Variants in FAM170A observed in about 807,000 individuals in gnomAD.
FAM170A encodes family with sequence similarity 170 member A.
In FAM170A, 28 loss-of-function variants were observed where a neutral mutation model predicts 36.6. The observed-to-expected ratio is 0.76, with a 90% CI of 0.57 to 1.05. The LOEUF is 1.05. FAM170A is among the 50% of genes least tolerant of loss of function. FAM170A has a pLI of 0.00. For synonymous variants in FAM170A, 156 were observed against 143.9 expected (o/e 1.08, Z -0.60); for missense variants, 434 against 396.5 (o/e 1.09, Z -0.80).
chr5:119,631,940 C>T (rs530931972), intron 1 of FAM170A, among the ~76,000 whole-genome samples: 2 of 152,278 alleles, frequency 1.3e-5, no homozygotes, highest in Non-Finnish European at 1.5e-5. Flanking sequence ...ACAGGATGTT[C>T]AGTTAAACTT....
chr5:119,631,842 T>G (rs1362713653), intron 1 of FAM170A, among the ~76,000 whole-genome samples: 1 of 152,088 alleles, frequency 6.6e-6, no homozygotes, highest in Non-Finnish European at 1.5e-5. Context: ...CTGCAACACA[T>G]TGTGTAGCAG....
chr5:119,630,138 GC>G (rs1228025197), intron 1 of FAM170A, among the ~76,000 whole-genome samples: 1 of 129,586 alleles, frequency 7.7e-6, no homozygotes, highest in African/African-American at 3.1e-5. Flanking sequence ...TGATCCGCCT[GC>G]CTCGGCCTCC....
At chr5:119,632,813 C>G (rs1338452232) in exon 2 of FAM170A, 3 of 1,613,060 alleles carry the variant, frequency 1.9e-6, no homozygotes, top group Non-Finnish European at 2.5e-6. Flanking sequence ...AGGCTGGAGC[C>G]AAGGGGTGGG....
chr5:119,633,677 C>T (rs997313875), intron 2 of FAM170A, among the ~76,000 whole-genome samples: 5 of 152,006 alleles, frequency 3.3e-5, no homozygotes, highest in Non-Finnish European at 7.4e-5. Context: ...ATGATGGCAC[C>T]AACTCACATC....
At chr5:119,632,247 T>A (rs1032320444) in intron 1 of FAM170A, among the ~76,000 whole-genome samples, 2 of 152,228 alleles carry the variant, frequency 1.3e-5, no homozygotes, top group African/African-American at 4.8e-5. Flanking sequence ...GAAGGACTGT[T>A]TTGTTCAGTA....
chr5:119,629,843 G>A lies in FAM170A; in HGVS notation c.70+5G>A, dbSNP rs1195320257. The A allele has an allele frequency of 1.9e-5, 30 of 1,611,644 alleles. No individual in the cohort carries two copies. Among genetic ancestry groups the A allele is most frequent in the Non-Finnish European group, 2.5e-5 (30 of 1,178,212 alleles). ...AAACCGCTGAGAAGGGAGGAGGTAT[G>A]TGCGGGGCAAACTTTCTGGGGCACA... is the stretch of plus-strand genomic sequence containing the variant. On this transcript the variant is annotated splice_donor_5th_base_variant and intron_variant, in intron 1 of 4. Coordinates refer to ENST00000613773, the Ensembl canonical transcript of FAM170A.
intron 1 of FAM170A, among the ~76,000 whole-genome samples, chr5:119,631,469 G>T (rs1480889541): frequency 1.3e-5 from 2 of 151,974 alleles, no homozygotes; most frequent in Non-Finnish European, 2.9e-5. Flanking sequence ...CAGTGGTGGG[G>T]TCTGCGGGGT....
At chr5:119,635,588 T>C (rs537543472) in intron 4 of FAM170A, 112 bp from the exon 5 acceptor site, 1 of 155,828 alleles carries the variant, frequency 6.4e-6, no homozygotes, top group Admixed American at 6.5e-5. Flanking sequence ...GAACTCACTG[T>C]GGGTTGCATG....
chr5:119,631,213 G>T (rs328704), intron 1 of FAM170A, among the ~76,000 whole-genome samples: 62,110 of 152,012 alleles, frequency 0.41, 12,872 homozygotes, highest in East Asian at 0.51. Flanking sequence ...GGCCCTGGAG[G>T]CTTCTGCCCC....
At chr5:119,634,243 G>A in exon 3 of FAM170A, 1 of 1,614,244 alleles carries the variant, frequency 6.2e-7, no homozygotes, top group Non-Finnish European at 8.5e-7. Context: ...CCCTTTCTGA[G>A]GTTGTGAGGG....
exon 3 of FAM170A, chr5:119,633,960 G>A (rs1418317680): frequency 6.2e-7 from 1 of 1,603,276 alleles, no homozygotes; most frequent in Admixed American, 1.7e-5. Context: ...CCTTTCCCAG[G>A]AATCCAGAGA....
chr5:119,632,744 T>C lies in FAM170A; in HGVS notation c.71-4T>C. The C allele has an allele frequency of 1.3e-6, 2 of 1,580,710 alleles. No individual in the cohort carries two copies. The highest frequency in any genetic ancestry group is 1.7e-6 in the Non-Finnish European group (2 of 1,159,270). ...TATCTCTGTTCCCTTCATACCTTTC[T>C]CAGGAATGTCAAAGTCCCAAGAGGA... On this transcript the variant is annotated splice_polypyrimidine_tract_variant and splice_region_variant and intron_variant, in intron 1 of 4. Coordinates refer to ENST00000613773, the Ensembl canonical transcript of FAM170A.
Position 119,629,619 on chromosome 5 carries a change from C to A in FAM170A, c.-150C>A. The stretch of plus-strand genomic sequence containing the variant: ...CAGTGCTGCTCCTTCACTAAGCGGT[C>A]TGAGTTCTTTAGCTATCTCGGAGAT... On this transcript the variant is annotated 5_prime_UTR_variant, in exon 1 of 5. It adds an upstream start codon to the 5' untranslated region. Transcript: ENST00000613773. 1 of 605,756 alleles carries A rather than the reference C, an allele frequency of 1.7e-6. No homozygotes were observed. Among genetic ancestry groups the A allele is most frequent in the Non-Finnish European group, 3.0e-6 (1 of 338,720 alleles). The allele number at this position is 605,756 out of a possible 1,614,324, so 37.5% of individuals were successfully genotyped here.
At chr5:119,633,525 G>A (rs1048251906) in intron 2 of FAM170A, among the ~76,000 whole-genome samples, 1 of 151,948 alleles carries the variant, frequency 6.6e-6, no homozygotes, top group South Asian at 2.1e-4. Flanking sequence ...GCACTGCAGC[G>A]GGACTCTAGC....
At chr5:119,632,053 A>G (rs555243255) in intron 1 of FAM170A, among the ~76,000 whole-genome samples, 20 of 152,360 alleles carry the variant, frequency 1.3e-4, no homozygotes, top group Admixed American at 9.8e-4. Context: ...ATTGCACGGG[A>G]CATACTTACG....
intron 1 of FAM170A, 91 bp from the exon 2 acceptor site, chr5:119,632,657 G>A: frequency 1.6e-6 from 2 of 1,276,238 alleles, no homozygotes; most frequent in South Asian, 3.2e-5. Context: ...CCTGACATAG[G>A]TCAGCCACTC....
rs776853858 is a variant in FAM170A at position 119,634,328 on chromosome 5, C to T, written c.580C>T (p.His194Tyr). Residue 194 changes from histidine to tyrosine, a missense_variant, in exon 3 of 5, where the codon CAT becomes TAT. Physicochemically the swap from His to Tyr is moderately conservative, Grantham distance 83 (BLOSUM62 2). Coordinates refer to ENST00000613773, the Ensembl canonical transcript of FAM170A. ...TGAGCCCAGTGGGGAGGAGAAAGAGCATGAGGAAAGGACAGAATCAGACAG... is the reference window on the plus strand; with the variant it reads ...TGAGCCCAGTGGGGAGGAGAAAGAGTATGAGGAAAGGACAGAATCAGACAG... 5 of 1,614,146 alleles carry T rather than the reference C, an allele frequency of 3.1e-6. No homozygotes were observed. In the East Asian group the frequency reaches 6.7e-5, roughly 22 times the overall value.
chr5:119,632,194 T>A (rs1047250429), intron 1 of FAM170A, among the ~76,000 whole-genome samples: 1 of 152,232 alleles, frequency 6.6e-6, no homozygotes, highest in Non-Finnish European at 1.5e-5. Context: ...TATTTCTGCT[T>A]AATGTCTGTC....
intron 3 of FAM170A, 36 bp downstream of exon 3, chr5:119,634,770 G>A: frequency 6.6e-7 from 1 of 1,512,946 alleles, no homozygotes; most frequent in Non-Finnish European, 8.9e-7. Context: ...TGCTGAGGGA[G>A]CAATGGCTTC....
Sources: gnomAD v4.1 joint callset for allele counts (sites outside exome capture counted in the v4.1 genomes callset) on GRCh38, gnomAD v4.1.1 for gene constraint, MANE v1.5 for transcripts, NCBI Gene and HGNC (gene_info 2026-07-23, HGNC 2026-07-21) for gene names.